Variants in YAP1 observed in about 807,000 individuals in gnomAD.
YAP1 encodes the protein Yes1 associated transcriptional regulator.
Under a neutral mutation model 56.9 loss-of-function variants are expected in YAP1, and 5 were observed. The ratio of observed to expected loss-of-function variants is 0.09; its 90% CI spans 0.05 to 0.18. The LOEUF (loss-of-function observed/expected upper bound fraction) is 0.18. YAP1 is among the 10% of genes least tolerant of loss of function. YAP1 has a pLI of 1.00. For missense variants in YAP1, 539 were observed against 651.8 expected, an observed-to-expected ratio of 0.83 and a Z score of 1.88; for synonymous variants, 265 against 248.1, an observed-to-expected ratio of 1.07 and a Z score of -0.64.
intron 3 of YAP1, among the ~76,000 whole-genome samples, chr11:102,179,327 A>G (rs1192944724): frequency 2.0e-5 from 3 of 152,108 alleles, no homozygotes; most frequent in Non-Finnish European, 4.4e-5. Context: ...CGAGTGTGTA[A>G]AAGTTATTTG....
intron 3 of YAP1, among the ~76,000 whole-genome samples, chr11:102,178,786 G>T (rs1412636316): frequency 2.0e-5 from 3 of 152,144 alleles, no homozygotes; most frequent in Admixed American, 2.0e-4. Context: ...CTGAAACTGA[G>T]TAATTTATAA....
intron 2 of YAP1, among the ~76,000 whole-genome samples, chr11:102,139,363 T>C (rs1023353553): frequency 6.6e-6 from 1 of 152,140 alleles, no homozygotes; most frequent in African/African-American, 2.4e-5. Context: ...GAAGCTATTA[T>C]AGCAAAGTTG....
At chr11:102,216,839 G>C (rs1187695964) in intron 6 of YAP1, among the ~76,000 whole-genome samples, 1 of 152,176 alleles carries the variant, frequency 6.6e-6, no homozygotes, top group Admixed American at 6.5e-5. Flanking sequence ...AGGAAATTTA[G>C]CCAAAACATA....
At chr11:102,144,951 C>T (rs374977935) in intron 2 of YAP1, among the ~76,000 whole-genome samples, 1 of 152,108 alleles carries the variant, frequency 6.6e-6, no homozygotes, top group Admixed American at 6.6e-5. Flanking sequence ...CTCCTTCCCT[C>T]CCTCTCAGCT....
intron 3 of YAP1, among the ~76,000 whole-genome samples, chr11:102,179,427 C>T (rs1454579534): frequency 6.6e-6 from 1 of 152,106 alleles, no homozygotes; most frequent in East Asian, 1.9e-4. Flanking sequence ...TGGTAATCCC[C>T]TTTAAGTATT....
At chr11:102,113,357 A>G (rs774000682) in intron 1 of YAP1, among the ~76,000 whole-genome samples, 5 of 152,258 alleles carry the variant, frequency 3.3e-5, no homozygotes, top group Non-Finnish European at 1.5e-5. Context: ...GAAAACAGGC[A>G]TATGGAAGTT....
chr11:102,162,564 G>A lies in YAP1; in HGVS notation c.681G>A (p.Ser227=), dbSNP rs891943128. Reference sequence around the variant, plus strand: ...CAGTGCAGCAGAATATGATGAACTCGGCTTCAGGTGAGTGAGACACTGTAA... The same window carrying A: ...CAGTGCAGCAGAATATGATGAACTCAGCTTCAGGTGAGTGAGACACTGTAA... ...SPPVQQNMMN[S]ASGPLPDGWE... Residue 227 remains serine, a synonymous_variant, in exon 3 of 9, where the codon TCG becomes TCA. Transcript: ENST00000282441. The A allele has an allele frequency of 9.3e-6, 15 of 1,613,896 alleles. No individual in the cohort carries two copies. The highest frequency in any genetic ancestry group is 8.3e-5 in the Admixed American group (5 of 60,004).
At chr11:102,164,415 A>T (rs1165321492) in intron 3 of YAP1, among the ~76,000 whole-genome samples, 2 of 152,160 alleles carry the variant, frequency 1.3e-5, no homozygotes, top group African/African-American at 4.8e-5. Flanking sequence ...TTATTACCAA[A>T]TTTTCAAATA....
intron 2 of YAP1, among the ~76,000 whole-genome samples, chr11:102,161,835 T>G (rs188421744): frequency 2.0e-5 from 3 of 152,362 alleles, no homozygotes; most frequent in African/African-American, 7.2e-5. Context: ...AATCTATATG[T>G]ATACATGTAT....
At chr11:102,176,973 G>A (rs1364532215) in intron 3 of YAP1, among the ~76,000 whole-genome samples, 1 of 152,044 alleles carries the variant, frequency 6.6e-6, no homozygotes, top group East Asian at 1.9e-4. Context: ...AGAGAAAGCA[G>A]CTGATGAAGT....
chr11:102,220,012 G>A (rs1049490861), intron 6 of YAP1, among the ~76,000 whole-genome samples: 1 of 151,768 alleles, frequency 6.6e-6, no homozygotes, highest in East Asian at 2.0e-4. Context: ...GGGATTACAG[G>A]CGTGAGCCAC....
chr11:102,225,877 G>T (rs1950169310), intron 7 of YAP1, among the ~76,000 whole-genome samples: 1 of 152,158 alleles, frequency 6.6e-6, no homozygotes, highest in Admixed American at 6.5e-5. Flanking sequence ...CTAGTCTAAT[G>T]CCTGTCATGT....
chr11:102,115,616 T>A (rs1015384601), intron 2 of YAP1, among the ~76,000 whole-genome samples: 4 of 151,354 alleles, frequency 2.6e-5, no homozygotes, highest in East Asian at 1.9e-4. Context: ...TTTAAAAAAA[T>A]TCATTTTCTG....
intron 4 of YAP1, 176 bp downstream of exon 4, chr11:102,186,307 A>G: frequency 1.4e-6 from 1 of 704,446 alleles, no homozygotes; most frequent in Non-Finnish European, 2.2e-6. Flanking sequence ...AACTTGAGAA[A>G]TTTAGATCTG....
chr11:102,152,155 C>T (rs1945692705), intron 2 of YAP1, among the ~76,000 whole-genome samples: 1 of 152,174 alleles, frequency 6.6e-6, no homozygotes, highest in Non-Finnish European at 1.5e-5. Flanking sequence ...AACTTTTGGC[C>T]TATACTGTCT....
chr11:102,211,707 C>T (rs1331660614), intron 6 of YAP1, among the ~76,000 whole-genome samples: 1 of 151,504 alleles, frequency 6.6e-6, no homozygotes, highest in Non-Finnish European at 1.5e-5. Context: ...CATGTCTTTT[C>T]TTCTTTTTTT....
In YAP1 at chr11:102,126,486, C is replaced by T. The variant is rs375549012; in HGVS notation, c.572+12092C>T. The stretch of plus-strand genomic sequence containing the variant: ...ATCTAATGGGTTTATCAGGGGTTTC[C>T]GCTTTTGCTTCTTCCTCATTTCTCT... On this transcript the variant is annotated intron_variant, in intron 2 of 8. Coordinates refer to ENST00000282441, the MANE Select transcript of YAP1 (RefSeq NM_001130145.3). Among the ~76,000 whole-genome samples the T allele has an allele frequency of 5.9e-4, 90 of 152,226 alleles. 1 individual carries two copies. In the South Asian group the frequency reaches 0.018, roughly 30 times the overall value.
intron 6 of YAP1, among the ~76,000 whole-genome samples, chr11:102,217,600 C>A (rs192535203): frequency 2.0e-5 from 3 of 152,002 alleles, no homozygotes; most frequent in Admixed American, 2.0e-4. Flanking sequence ...CTAGAAAATA[C>A]CGAATAATCT....
chr11:102,128,692 G>A (rs955196644), intron 2 of YAP1, among the ~76,000 whole-genome samples: 7 of 152,316 alleles, frequency 4.6e-5, no homozygotes, highest in Non-Finnish European at 1.0e-4. Context: ...GCTGTGACAC[G>A]AGAGTGGTTA....
Sources: gnomAD v4.1 joint callset for allele counts (sites outside exome capture counted in the v4.1 genomes callset) on GRCh38, gnomAD v4.1.1 for gene constraint, MANE v1.5 for transcripts, NCBI Gene and HGNC (gene_info 2026-07-23, HGNC 2026-07-21) for gene names.